The following HS6ST3 variants were observed in gnomAD, a reference collection of about 807,000 sequenced individuals.
HS6ST3 encodes the protein heparan sulfate 6-O-sulfotransferase 3.
Under a neutral mutation model 36.7 loss-of-function variants are expected in HS6ST3, and 12 were observed. The ratio of observed to expected loss-of-function variants is 0.33; its 90% CI spans 0.21 to 0.53. The LOEUF (loss-of-function observed/expected upper bound fraction) is 0.53, where lower values mean the gene tolerates loss of function less well. HS6ST3 is among the 20% of genes least tolerant of loss of function. The pLI is 0.95. For missense variants in HS6ST3, 584 were observed against 640.9 expected (o/e 0.91, Z 0.96); for synonymous variants, 240 against 257.5 (o/e 0.93, Z 0.65).
chr13:96,736,519 A>G (rs1003784890), intron 1 of HS6ST3, among the ~76,000 whole-genome samples: 3 of 152,214 alleles, frequency 2.0e-5, no homozygotes, highest in African/African-American at 7.2e-5. Flanking sequence ...GCTATTTATT[A>G]TAGTCATCAA....
chr13:96,134,404 ATCT>A (rs1452230577), intron 1 of HS6ST3, among the ~76,000 whole-genome samples: 2 of 149,626 alleles, frequency 1.3e-5, no homozygotes, highest in South Asian at 2.1e-4. Flanking sequence ...ACCTTTATTT[ATCT>A]TCTTTTCATT....
At chr13:96,631,865 T>C (rs1294598322) in intron 1 of HS6ST3, among the ~76,000 whole-genome samples, 1 of 152,150 alleles carries the variant, frequency 6.6e-6, no homozygotes, top group African/African-American at 2.4e-5. Flanking sequence ...GAAATCAAAA[T>C]CAGAGACTCA....
At chr13:96,725,474 C>T (rs1256863958) in intron 1 of HS6ST3, among the ~76,000 whole-genome samples, 2 of 152,084 alleles carry the variant, frequency 1.3e-5, no homozygotes, top group Non-Finnish European at 2.9e-5. Flanking sequence ...TTCTCCTGTG[C>T]TTTTTTTCTA....
chr13:96,173,163 AAAAGAG>A (rs1471285402), intron 1 of HS6ST3, among the ~76,000 whole-genome samples: 2 of 152,182 alleles, frequency 1.3e-5, no homozygotes, highest in African/African-American at 4.8e-5. Context: ...TAAATCAGAT[AAAAGAG>A]AAAGAGAATG....
chr13:96,819,327 C>T (rs1594867888), intron 1 of HS6ST3, among the ~76,000 whole-genome samples: 1 of 152,260 alleles, frequency 6.6e-6, no homozygotes, highest in Non-Finnish European at 1.5e-5. Flanking sequence ...TGGAACACTA[C>T]CTACTTAGAA....
At chr13:96,483,145 A>G (rs2055897398) in intron 1 of HS6ST3, among the ~76,000 whole-genome samples, 1 of 152,216 alleles carries the variant, frequency 6.6e-6, no homozygotes, top group Admixed American at 6.5e-5. Flanking sequence ...TCCTATGGAA[A>G]GGAATATGGC....
intron 1 of HS6ST3, among the ~76,000 whole-genome samples, chr13:96,514,606 C>T (rs1000032543): frequency 7.2e-5 from 11 of 152,084 alleles, no homozygotes; most frequent in Middle Eastern, 3.2e-3. Flanking sequence ...AGGCGGCTGC[C>T]GACACGCCAA....
chr13:96,314,875 A>G (rs991525590), intron 1 of HS6ST3, among the ~76,000 whole-genome samples: 1 of 152,204 alleles, frequency 6.6e-6, no homozygotes, highest in African/African-American at 2.4e-5. Context: ...GTGCATATAC[A>G]TGTATACATT....
chr13:96,360,818 G>T (rs1304568899), intron 1 of HS6ST3, among the ~76,000 whole-genome samples: 2 of 151,778 alleles, frequency 1.3e-5, no homozygotes, highest in Non-Finnish European at 2.9e-5. Context: ...GTAGTGGTGG[G>T]CACCTGTAGT....
At chr13:96,252,689 A>G (rs1390892628) in intron 1 of HS6ST3, among the ~76,000 whole-genome samples, 1 of 152,126 alleles carries the variant, frequency 6.6e-6, no homozygotes, top group Non-Finnish European at 1.5e-5. Context: ...GTTGAAATGT[A>G]ATCCCCAGCA....
intron 1 of HS6ST3, among the ~76,000 whole-genome samples, chr13:96,383,474 C>T (rs1185963445): frequency 1.3e-5 from 2 of 151,988 alleles, no homozygotes; most frequent in Non-Finnish European, 2.9e-5. Flanking sequence ...GAGAGAGGGA[C>T]TCAAGACAAT....
intron 1 of HS6ST3, among the ~76,000 whole-genome samples, chr13:96,395,396 G>T (rs1464548043): frequency 6.6e-6 from 1 of 152,160 alleles, no homozygotes; most frequent in Non-Finnish European, 1.5e-5. Context: ...CACTAAGTCT[G>T]CTGTTATAAT....
chr13:96,488,342 C>G (rs73556390), intron 1 of HS6ST3, among the ~76,000 whole-genome samples: 1 of 151,990 alleles, frequency 6.6e-6, no homozygotes, highest in Admixed American at 6.6e-5. Context: ...ACTTGGAAAC[C>G]GGTACCTCTT....
rs116363173 is a variant in HS6ST3 at position 96,615,313 on chromosome 13, T to C, written c.708-217177T>C. Among the ~76,000 whole-genome samples, 862 of 152,336 alleles carry C rather than the reference T, an allele frequency of 5.7e-3. 5 individuals are homozygous for C. Among genetic ancestry groups the C allele is most frequent in the African/African-American group, 0.02 (814 of 41,582 alleles). Reference sequence around the variant, plus strand: ...ATAGTAGTTCAGAATTCCATGTACATATCCCTGATTCTCTTTTTACCCACC... The same window carrying C: ...ATAGTAGTTCAGAATTCCATGTACACATCCCTGATTCTCTTTTTACCCACC... On this transcript the variant is annotated intron_variant, in intron 1 of 1. Coordinates refer to ENST00000376705, the MANE Select transcript of HS6ST3 (RefSeq NM_153456.4).
rs9513175 is a variant in HS6ST3, at chr13:96,737,082, C to G, written c.708-95408C>G. 5.8e-3 allele frequency among the ~76,000 whole-genome samples: 875 copies of G among 152,024 alleles called. 8 individuals are homozygous for G. The highest frequency in any genetic ancestry group is 0.02 in the African/African-American group (816 of 41,454). On this transcript the variant is annotated intron_variant, in intron 1 of 1. Coordinates refer to ENST00000376705, the MANE Select transcript of HS6ST3 (RefSeq NM_153456.4). ...ATTAGAAAATAGAAAAATTATACAG[C>G]TAATCAGTAAACCCAAAAACTGATT...
intron 1 of HS6ST3, among the ~76,000 whole-genome samples, chr13:96,731,764 T>C (rs1354320764): frequency 6.6e-6 from 1 of 151,988 alleles, no homozygotes; most frequent in East Asian, 1.9e-4. Context: ...CAGGCAATCC[T>C]CTTGCCTCTG....
At chr13:96,210,313 G>T (rs1566288746) in intron 1 of HS6ST3, among the ~76,000 whole-genome samples, 2 of 152,202 alleles carry the variant, frequency 1.3e-5, no homozygotes, top group African/African-American at 2.4e-5. Flanking sequence ...CCCAACCTGT[G>T]ATAACTAGGG....
chr13:96,422,566 G>C (rs557660160), intron 1 of HS6ST3, among the ~76,000 whole-genome samples: 1 of 152,306 alleles, frequency 6.6e-6, no homozygotes, highest in Non-Finnish European at 1.5e-5. Context: ...GAGATTTTGA[G>C]AAGGATGAAG....
chr13:96,682,142 G>A (rs537458895), intron 1 of HS6ST3, among the ~76,000 whole-genome samples: 2 of 152,098 alleles, frequency 1.3e-5, no homozygotes, highest in South Asian at 4.1e-4. Context: ...ATATTAACTA[G>A]TACTCAGGTC....
Sources: allele counts gnomAD v4.1 joint callset (sites outside exome capture counted in the v4.1 genomes callset), GRCh38; gene constraint gnomAD v4.1.1; transcripts MANE v1.5; gene names NCBI Gene and HGNC (gene_info 2026-07-23, HGNC 2026-07-21).